The following ZFHX3 variants were observed in gnomAD, a reference collection of about 807,000 sequenced individuals.
The protein encoded by ZFHX3 is zinc finger homeobox protein 3.
Under a neutral mutation model 279.1 loss-of-function variants are expected in ZFHX3, and 42 were observed. The observed-to-expected ratio is 0.15, with a 90% CI of 0.12 to 0.19. ZFHX3 has a LOEUF of 0.19. Among genes scored for constraint, ZFHX3 ranks in the 10% least tolerant of loss-of-function variants. The pLI is 1.00. For missense variants in ZFHX3, 4,981 were observed against 4,754.0 expected, an observed-to-expected ratio of 1.05 and a Z score of -1.40; for synonymous variants, 2,293 against 1,957.8, an observed-to-expected ratio of 1.17 and a Z score of -4.52.
At chr16:73,661,372 G>T (rs1219756027) in intron 2 of ZFHX3, among the ~76,000 whole-genome samples, 2 of 152,232 alleles carry the variant, frequency 1.3e-5, no homozygotes, top group Admixed American at 6.5e-5. Context: ...ATATAAGCAT[G>T]AAAGGAGTTC....
chr16:72,972,267 C>A (rs144200898), intron 1 of ZFHX3, among the ~76,000 whole-genome samples: 2 of 152,222 alleles, frequency 1.3e-5, no homozygotes, highest in East Asian at 3.9e-4. Flanking sequence ...CAGAATTTGA[C>A]TGGTGATCCC....
chr16:73,582,287 T>C (rs995156528), intron 2 of ZFHX3, among the ~76,000 whole-genome samples: 1 of 151,816 alleles, frequency 6.6e-6, no homozygotes, highest in Non-Finnish European at 1.5e-5. Flanking sequence ...GAATATGTTC[T>C]TCACACTAGC....
chr16:73,723,320 G>C (rs576378383), intron 1 of ZFHX3, among the ~76,000 whole-genome samples: 1 of 152,302 alleles, frequency 6.6e-6, no homozygotes, highest in East Asian at 1.9e-4. Context: ...TCAGAAGGTA[G>C]ATTCTTCAGC....
At chr16:73,105,578 C>A (rs1966294129) in intron 7 of ZFHX3, among the ~76,000 whole-genome samples, 1 of 151,718 alleles carries the variant, frequency 6.6e-6, no homozygotes, top group East Asian at 2.0e-4. Context: ...CATGGCAAAA[C>A]CCCATCTCTA....
At chr16:72,925,264 C>T (rs1959383350) in intron 3 of ZFHX3, among the ~76,000 whole-genome samples, 1 of 152,220 alleles carries the variant, frequency 6.6e-6, no homozygotes, top group South Asian at 2.1e-4. Flanking sequence ...TTCCTTCCTA[C>T]CAATCCTTGC....
chr16:73,050,005 A>G (rs1965420132), upstream of ZFHX3, among the ~76,000 whole-genome samples: 1 of 152,174 alleles, frequency 6.6e-6, no homozygotes, highest in South Asian at 2.1e-4. Flanking sequence ...ATCTCTCCGG[A>G]AAAACGAAGA....
At chr16:73,400,966 T>G (rs1039634790) in intron 3 of ZFHX3, 4 of 152,156 alleles carry the variant, frequency 2.6e-5, no homozygotes, top group African/African-American at 9.7e-5. Context: ...CTCCGAGTAA[T>G]TCTGGGTCAC....
chr16:73,295,911 T>A (rs2014897495), intron 4 of ZFHX3, among the ~76,000 whole-genome samples: 1 of 152,204 alleles, frequency 6.6e-6, no homozygotes, highest in East Asian at 1.9e-4. Context: ...AATCCTACCG[T>A]GGAAAAGCCA....
rs757822017 is a variant in ZFHX3, at chr16:72,788,628, GGCT to G, written c.9645_9647del (p.Ala3216del). On this transcript the variant is annotated inframe_deletion, in exon 10 of 10. Coordinates refer to ENST00000268489, the MANE Select transcript of ZFHX3 (RefSeq NM_006885.4). Reference sequence around the variant, plus strand: ...GGAGCTGTGGTGTGGGTGGCGGCTGGGCTGCTGGCGGCGGGGGAGGCTGCTGCA... The same window carrying G: ...GGAGCTGTGGTGTGGGTGGCGGCTGGGCTGGCGGCGGGGGAGGCTGCTGCA... 6.2e-7 allele frequency: 1 copy of G among 1,613,304 alleles called. No homozygotes were observed. The highest frequency in any genetic ancestry group is 8.5e-7 in the Non-Finnish European group (1 of 1,179,680).
chr16:73,784,552 T>C lies in ZFHX3; in HGVS notation c.-1607-104312A>G, dbSNP rs1317293781. The stretch of plus-strand genomic sequence containing the variant: ...TCATGAGGTCAAGAGATCGAGACAA[T>C]CCTGGCCAACATGGTGAAACCCCAT... On this transcript the variant is annotated intron_variant, in intron 1 of 17. Transcript: ENST00000641206. Among the ~76,000 whole-genome samples the C allele has an allele frequency of 2.0e-5, 3 of 151,866 alleles. No individual in the cohort carries two copies. In the East Asian group the frequency reaches 5.8e-4, roughly 30 times the overall value.
chr16:73,280,061 A>C (rs2014418481), intron 4 of ZFHX3, among the ~76,000 whole-genome samples: 1 of 152,220 alleles, frequency 6.6e-6, no homozygotes, highest in East Asian at 1.9e-4. Context: ...GGAACTGGAC[A>C]CACACATGCA....
chr16:72,989,898 T>G (rs1963010178), intron 1 of ZFHX3, among the ~76,000 whole-genome samples: 1 of 152,182 alleles, frequency 6.6e-6, no homozygotes, highest in African/African-American at 2.4e-5. Flanking sequence ...AAATTTAGTT[T>G]TGTCAAGTAT....
chr16:73,535,881 C>T lies in ZFHX3; in HGVS notation c.-1546-79623G>A, dbSNP rs1037923946. Among the ~76,000 whole-genome samples, 4 of 152,118 alleles carry T rather than the reference C, an allele frequency of 2.6e-5. No individual in the cohort carries two copies. In the South Asian group the frequency reaches 6.3e-4, roughly 24 times the overall value. ...GGGACTACAGGCGCTCCCCACTATG[C>T]CCGGCTAATTTTTTTTACTTTTAGT... is the stretch of plus-strand genomic sequence containing the variant. On this transcript the variant is annotated intron_variant, in intron 2 of 17. Transcript: ENST00000641206.
intron 4 of ZFHX3, among the ~76,000 whole-genome samples, chr16:73,260,680 GTTTTTTTTT>G (rs370384540): frequency 1.1e-5 from 1 of 88,380 alleles, no homozygotes; most frequent in Non-Finnish European, 2.1e-5. Context: ...CACCTATCTG[GTTTTTTTTT>G]TTTTTTTTTT....
At chr16:72,872,253 T>C (rs1157943357) in intron 4 of ZFHX3, among the ~76,000 whole-genome samples, 1 of 152,234 alleles carries the variant, frequency 6.6e-6, no homozygotes, top group Non-Finnish European at 1.5e-5. Context: ...TTACTACTTA[T>C]TGTTTCCATA....
chr16:73,783,791 T>A (rs1327269922), intron 1 of ZFHX3, among the ~76,000 whole-genome samples: 3 of 152,182 alleles, frequency 2.0e-5, no homozygotes, highest in African/African-American at 7.2e-5. Context: ...ATTTTCCAGA[T>A]GAGAAAACTA....
At chr16:72,878,115 G>A (rs2144007285) in intron 4 of ZFHX3, among the ~76,000 whole-genome samples, 1 of 152,204 alleles carries the variant, frequency 6.6e-6, no homozygotes, top group East Asian at 1.9e-4. Context: ...CCCAGGAGAT[G>A]GAGGCTACAG....
rs1013407576 is a variant in ZFHX3, at chr16:73,055,105, A to C, written c.-24+3425T>G. On this transcript the variant is annotated intron_variant, in intron 1 of 8. Coordinates refer to the ZFHX3 transcript ENST00000397992. The stretch of plus-strand genomic sequence containing the variant: ...TCCTTGTACTAACAAATTACGACCT[A>C]AACATGCCTTTTCTTTTCTCTCTCT... Among the ~76,000 whole-genome samples, 10 of 150,962 alleles carry C rather than the reference A, an allele frequency of 6.6e-5. 1 individual carries two copies. Among genetic ancestry groups the C allele is most frequent in the African/African-American group, 2.2e-4 (9 of 41,212 alleles).
intron 5 of ZFHX3, among the ~76,000 whole-genome samples, chr16:73,211,663 AAT>A (rs1162195079): frequency 6.6e-6 from 1 of 151,916 alleles, no homozygotes; most frequent in Non-Finnish European, 1.5e-5. Flanking sequence ...AATCCCAAAG[AAT>A]CTATGTTTTT....
Sources: gnomAD v4.1 joint callset for allele counts (sites outside exome capture counted in the v4.1 genomes callset) on GRCh38, gnomAD v4.1.1 for gene constraint, MANE v1.5 for transcripts, NCBI Gene and HGNC (gene_info 2026-07-23, HGNC 2026-07-21) for gene names.